The following ITPR1 variants were observed in gnomAD, a reference collection of about 807,000 sequenced individuals.
ITPR1 encodes the protein inositol 1,4,5-trisphosphate-gated calcium channel ITPR1.
Under a neutral mutation model 318.4 loss-of-function variants are expected in ITPR1, and 96 were observed. The observed-to-expected ratio is 0.30, with a 90% CI of 0.26 to 0.36. The LOEUF (loss-of-function observed/expected upper bound fraction) is 0.36. Among genes scored for constraint, ITPR1 ranks in the 10% least tolerant of loss-of-function variants. The pLI is 1.00. For synonymous variants in ITPR1, 1,312 were observed against 1,289.9 expected (o/e 1.02, Z -0.37); for missense variants, 2,440 against 3,460.2 (o/e 0.71, Z 7.40).
chr3:4,538,789 C>G (rs982141723), intron 4 of ITPR1, among the ~76,000 whole-genome samples: 1 of 152,142 alleles, frequency 6.6e-6, no homozygotes, highest in Non-Finnish European at 1.5e-5. Flanking sequence ...GAAAACCAAA[C>G]ATTGCATGTT....
At chr3:4,694,897 T>G (rs1038351756) in intron 33 of ITPR1, among the ~76,000 whole-genome samples, 5 of 152,170 alleles carry the variant, frequency 3.3e-5, no homozygotes, top group African/African-American at 1.2e-4. Flanking sequence ...AGAAAATAAT[T>G]TATTATGTTC....
intron 4 of ITPR1, among the ~76,000 whole-genome samples, chr3:4,601,395 T>C (rs1344434639): frequency 6.6e-6 from 1 of 151,686 alleles, no homozygotes; most frequent in Non-Finnish European, 1.5e-5. Context: ...TGCATACACC[T>C]GTAGTCCCAG....
At chr3:4,735,128 A>C (rs1559798108) in intron 43 of ITPR1, 36 bp from the exon 44 acceptor site, 1 of 1,552,248 alleles carries the variant, frequency 6.4e-7, no homozygotes, top group South Asian at 1.1e-5. Flanking sequence ...AGCTGTTCTG[A>C]TTGTGCTTAG....
At chr3:4,730,371 ATGTGTGTGTG>A (rs369249391) in intron 42 of ITPR1, among the ~76,000 whole-genome samples, 30 of 57,380 alleles carry the variant, frequency 5.2e-4, no homozygotes, top group African/African-American at 1.5e-3. Flanking sequence ...GTTGGGTGGA[ATGTGTGTGTG>A]TGTGTGTGTG....
chr3:4,789,639 A>G (rs1382357477), intron 52 of ITPR1, among the ~76,000 whole-genome samples: 1 of 147,604 alleles, frequency 6.8e-6, no homozygotes, highest in Admixed American at 6.7e-5. Context: ...TTGTTTTTTG[A>G]GACAGAGTCT....
At chr3:4,690,652 G>A (rs1461098911) in intron 31 of ITPR1, among the ~76,000 whole-genome samples, 2 of 152,108 alleles carry the variant, frequency 1.3e-5, no homozygotes, top group African/African-American at 4.8e-5. Context: ...AGCAACTCTA[G>A]TATTTATAAT....
At chr3:4,545,570 C>A (rs2084897223) in intron 4 of ITPR1, among the ~76,000 whole-genome samples, 3 of 148,794 alleles carry the variant, frequency 2.0e-5, no homozygotes, top group Non-Finnish European at 1.5e-5. Flanking sequence ...CTGAAGTGAG[C>A]CATGACTGTG....
Position 4,818,137 on chromosome 3 carries a change from G to A in ITPR1, c.7923G>A (p.Lys2641=), listed in dbSNP as rs772705487. ...CTGTCACCTTTGAAGAGCACATCAA[G>A]GAAGAACACAACATGTGGCACTATC... ...NKTVTFEEHI[K]EEHNMWHYLC... Residue 2641 remains lysine (K), a synonymous_variant, in exon 60 of 62, where the codon AAG becomes AAA. Transcript: ENST00000649015. The A allele has an allele frequency of 2.5e-6, 4 of 1,607,914 alleles. No individual in the cohort carries two copies. In the Admixed American group the frequency reaches 5.0e-5, roughly 20 times the overall value.
In ITPR1 at chr3:4,770,637, C is replaced by T. The variant is rs3792502; in HGVS notation, c.5979+1873C>T. Among the ~76,000 whole-genome samples, 180 of 152,248 alleles carry T rather than the reference C, an allele frequency of 1.2e-3. 4 individuals are homozygous for T. In the East Asian group the frequency reaches 0.032, roughly 27 times the overall value. ...CAGCCTGTGGTGCTCCCTGCTTGAT[C>T]CCTGTCGCCATCTGAGTGTGGGATC... On this transcript the variant is annotated intron_variant, in intron 46 of 61. Coordinates refer to ENST00000649015, the MANE Select transcript of ITPR1 (RefSeq NM_001378452.1).
intron 55 of ITPR1, among the ~76,000 whole-genome samples, chr3:4,806,499 G>A (rs145209476): frequency 2.7e-4 from 41 of 152,276 alleles, no homozygotes; most frequent in Non-Finnish European, 4.9e-4. Flanking sequence ...GGGCACTCCC[G>A]ATCTGTTACT....
chr3:4,561,636 C>G (rs916610091), intron 4 of ITPR1, among the ~76,000 whole-genome samples: 1 of 151,926 alleles, frequency 6.6e-6, no homozygotes, highest in African/African-American at 2.4e-5. Context: ...ATTTTTGGAT[C>G]TGGGTGGATT....
chr3:4,641,622 T>C (rs1207992991), intron 6 of ITPR1, among the ~76,000 whole-genome samples: 1 of 152,220 alleles, frequency 6.6e-6, no homozygotes, highest in African/African-American at 2.4e-5. Flanking sequence ...GCAGTCCTTC[T>C]GCCTCTGCCT....
intron 10 of ITPR1, among the ~76,000 whole-genome samples, chr3:4,648,471 A>G (rs372982592): frequency 6.6e-6 from 1 of 152,186 alleles, no homozygotes; most frequent in Non-Finnish European, 1.5e-5. Flanking sequence ...AGCTAATTAA[A>G]TACGCTGGGT....
intron 42 of ITPR1, among the ~76,000 whole-genome samples, chr3:4,730,740 C>G (rs1452597826): frequency 6.6e-6 from 1 of 152,170 alleles, no homozygotes; most frequent in Admixed American, 6.5e-5. Flanking sequence ...GCAAGTCACT[C>G]TAGCTCCAAG....
At chr3:4,825,996 A>AAGTT in intron 60 of ITPR1, 1 of 356,234 alleles carries the variant, frequency 2.8e-6, no homozygotes, top group South Asian at 2.1e-5. Flanking sequence ...AGGAACTCAG[A>AAGTT]AGTTGGAGTC....
chr3:4,630,841 C>A (rs1313884146), intron 5 of ITPR1, among the ~76,000 whole-genome samples: 2 of 152,108 alleles, frequency 1.3e-5, no homozygotes, highest in African/African-American at 4.8e-5. Context: ...ACTGCCTCGG[C>A]CTCCCAAAGT....
chr3:4,683,299 A>C (rs879559421), intron 26 of ITPR1, 87 bp from the exon 27 acceptor site: 3 of 1,323,202 alleles, frequency 2.3e-6, no homozygotes, highest in Non-Finnish European at 3.3e-6. Flanking sequence ...CTAGAAATGC[A>C]ACTAGGTTAG....
chr3:4,813,341 G>C (rs2106490261), intron 57 of ITPR1, 107 bp downstream of exon 57: 1 of 740,974 alleles, frequency 1.3e-6, no homozygotes, highest in Non-Finnish European at 2.2e-6. Context: ...CAGGAGTAAG[G>C]CTATAGCAAA....
At chr3:4,615,271 T>G (rs981719677) in intron 4 of ITPR1, among the ~76,000 whole-genome samples, 1 of 151,842 alleles carries the variant, frequency 6.6e-6, no homozygotes, top group Non-Finnish European at 1.5e-5. Flanking sequence ...AACAACTAAG[T>G]GTGGGCAGGT....
Sources: allele counts gnomAD v4.1 joint callset (sites outside exome capture counted in the v4.1 genomes callset), GRCh38; gene constraint gnomAD v4.1.1; transcripts MANE v1.5; gene names NCBI Gene and HGNC (gene_info 2026-07-23, HGNC 2026-07-21).